The following ZNF385D variants were observed in gnomAD, a reference collection of about 807,000 sequenced individuals.
The protein encoded by ZNF385D is zinc finger protein 385D.
A neutral mutation model predicts 35.8 loss-of-function variants in ZNF385D; 15 were observed. That is an observed-to-expected ratio of 0.42 (90% CI 0.28 to 0.64). The LOEUF is 0.64. Among genes scored for constraint, ZNF385D ranks in the 30% least tolerant of loss-of-function variants. The pLI is 0.23. For missense variants in ZNF385D, 474 were observed against 494.6 expected, an observed-to-expected ratio of 0.96 and a Z score of 0.39; for synonymous variants, 212 against 186.8, an observed-to-expected ratio of 1.13 and a Z score of -1.10.
chr3:22,152,662 A>G (rs1448886121), intron 3 of ZNF385D, among the ~76,000 whole-genome samples: 1 of 152,130 alleles, frequency 6.6e-6, no homozygotes, highest in African/African-American at 2.4e-5. Context: ...TCTTCCTCAT[A>G]AAATGACTCT....
At chr3:21,796,393 T>C (rs754068727) in intron 3 of ZNF385D, among the ~76,000 whole-genome samples, 2 of 152,116 alleles carry the variant, frequency 1.3e-5, no homozygotes, top group African/African-American at 2.4e-5. Context: ...CTCAACAAAA[T>C]ATTGGCAAAT....
chr3:22,116,346 A>G (rs906624737), intron 3 of ZNF385D, among the ~76,000 whole-genome samples: 18 of 152,014 alleles, frequency 1.2e-4, no homozygotes, highest in African/African-American at 4.3e-4. Context: ...AGCAGTCAAC[A>G]TACTCCTTTT....
At chr3:21,696,490 G>A (rs1263023774) in intron 1 of ZNF385D, among the ~76,000 whole-genome samples, 1 of 152,138 alleles carries the variant, frequency 6.6e-6, no homozygotes, top group East Asian at 1.9e-4. Context: ...CAGTCATGTA[G>A]AAGCTGGCCC....
Position 21,768,106 on chromosome 3 carries a change from T to C in ZNF385D, c.326-103078A>G, listed in dbSNP as rs180988660. Among the ~76,000 whole-genome samples the C allele has an allele frequency of 2.6e-5, 4 of 152,186 alleles. No homozygotes were observed. In the East Asian group the frequency reaches 5.8e-4, roughly 22 times the overall value. ...GATATTAGGAGATAACTTAGTGGGA[T>C]AGAGACACAAATGAATGCACTAAAT... On this transcript the variant is annotated intron_variant, in intron 3 of 5. Coordinates refer to the ZNF385D transcript ENST00000494108.
At chr3:22,344,703 T>C (rs1247002212) in intron 2 of ZNF385D, among the ~76,000 whole-genome samples, 1 of 152,208 alleles carries the variant, frequency 6.6e-6, no homozygotes. Context: ...ACTACAGGCA[T>C]GAGCCACTGC....
intron 2 of ZNF385D, among the ~76,000 whole-genome samples, chr3:22,206,132 A>G (rs183110191): frequency 1.3e-5 from 2 of 152,074 alleles, no homozygotes; most frequent in Non-Finnish European, 2.9e-5. Context: ...GAACAGCTAT[A>G]CTTACATCAG....
chr3:21,807,526 T>C (rs2072708697), intron 3 of ZNF385D, among the ~76,000 whole-genome samples: 1 of 152,150 alleles, frequency 6.6e-6, no homozygotes, highest in Non-Finnish European at 1.5e-5. Context: ...TTTTTGAAGA[T>C]AATATTTTAT....
intron 1 of ZNF385D, among the ~76,000 whole-genome samples, chr3:21,681,111 G>GT (rs1264999603): frequency 6.6e-6 from 1 of 151,962 alleles, no homozygotes; most frequent in Admixed American, 6.6e-5. Flanking sequence ...AGATCTGAGT[G>GT]TAACAGAATT....
intron 3 of ZNF385D, among the ~76,000 whole-genome samples, chr3:21,849,283 T>C (rs999498729): frequency 1.3e-5 from 2 of 151,694 alleles, no homozygotes; most frequent in East Asian, 2.0e-4. Flanking sequence ...CCACTTCTTA[T>C]ATGGTAAGAA....
chr3:22,034,049 C>A (rs1446468256), intron 3 of ZNF385D, among the ~76,000 whole-genome samples: 3 of 152,078 alleles, frequency 2.0e-5, no homozygotes, highest in Admixed American at 2.0e-4. Context: ...CTGAGCAAAC[C>A]GAGATGGTTA....
chr3:22,208,852 A>T (rs963535103), intron 2 of ZNF385D, among the ~76,000 whole-genome samples: 1 of 151,900 alleles, frequency 6.6e-6, no homozygotes, highest in South Asian at 2.1e-4. Context: ...AATAGAATTG[A>T]GTCATAGTCC....
At chr3:22,280,295 G>T (rs2125378735) in intron 2 of ZNF385D, among the ~76,000 whole-genome samples, 1 of 149,430 alleles carries the variant, frequency 6.7e-6, no homozygotes, top group East Asian at 2.0e-4. Context: ...CCATCTATTT[G>T]TATTTGTTTT....
At chr3:22,340,515 G>A (rs1237577538) in intron 2 of ZNF385D, among the ~76,000 whole-genome samples, 2 of 152,072 alleles carry the variant, frequency 1.3e-5, no homozygotes, top group African/African-American at 4.8e-5. Context: ...GTGATGTGGT[G>A]CACGCCTGTA....
intron 2 of ZNF385D, among the ~76,000 whole-genome samples, chr3:21,617,684 A>G (rs2064888203): frequency 2.0e-5 from 3 of 152,172 alleles, no homozygotes; most frequent in African/African-American, 7.2e-5. Flanking sequence ...TGGCCACTCC[A>G]TTATATGGCC....
At chr3:21,709,734 T>C (rs974300854) in intron 1 of ZNF385D, among the ~76,000 whole-genome samples, 5 of 152,224 alleles carry the variant, frequency 3.3e-5, no homozygotes, top group Admixed American at 2.6e-4. Context: ...GTAAATTCAA[T>C]AGTTTTCCAG....
chr3:21,714,329 G>A (rs1279049013), intron 1 of ZNF385D, among the ~76,000 whole-genome samples: 1 of 152,026 alleles, frequency 6.6e-6, no homozygotes, highest in Non-Finnish European at 1.5e-5. Context: ...TTATGTTTCA[G>A]TTTTCTCATG....
intron 3 of ZNF385D, among the ~76,000 whole-genome samples, chr3:21,787,944 CA>C (rs560982379): frequency 2.7e-5 from 2 of 75,372 alleles, no homozygotes; most frequent in Admixed American, 1.7e-4. Flanking sequence ...TTCGTCTCAA[CA>C]AAAAAAAAAA....
intron 3 of ZNF385D, among the ~76,000 whole-genome samples, chr3:22,128,596 A>C (rs1290829641): frequency 6.6e-6 from 1 of 151,992 alleles, no homozygotes; most frequent in Non-Finnish European, 1.5e-5. Flanking sequence ...GTGAATTTTC[A>C]AATAGTCTAT....
chr3:21,793,907 G>C (rs1239858678), intron 3 of ZNF385D, among the ~76,000 whole-genome samples: 1 of 152,158 alleles, frequency 6.6e-6, no homozygotes, highest in Non-Finnish European at 1.5e-5. Context: ...CTGCAAAACT[G>C]TCAAATGATG....
Sources: gnomAD v4.1 joint callset for allele counts (sites outside exome capture counted in the v4.1 genomes callset) on GRCh38, gnomAD v4.1.1 for gene constraint, MANE v1.5 for transcripts, NCBI Gene and HGNC (gene_info 2026-07-23, HGNC 2026-07-21) for gene names.